Variants in RCAN2 observed in about 807,000 individuals in gnomAD.
RCAN2 encodes regulator of calcineurin 2, also known as calcipressin-2.
A neutral mutation model predicts 23.6 loss-of-function variants in RCAN2; 9 were observed. The observed-to-expected ratio is 0.38, with a 90% CI of 0.23 to 0.67. RCAN2 has a LOEUF of 0.67. RCAN2 is among the 30% of genes least tolerant of loss of function. The probability of loss-of-function intolerance (pLI) is 0.51; values close to 1 mark genes in which losing one functional copy is unlikely to be tolerated. For missense variants in RCAN2, 273 were observed against 302.3 expected (o/e 0.90, Z 0.72); for synonymous variants, 109 against 115.7 (o/e 0.94, Z 0.37).
chr6:46,261,122 T>C (rs1269817985), intron 2 of RCAN2, among the ~76,000 whole-genome samples: 1 of 152,216 alleles, frequency 6.6e-6, no homozygotes, highest in Non-Finnish European at 1.5e-5. Flanking sequence ...TCATCAGCCC[T>C]GATTAGATAT....
chr6:46,314,508 A>G (rs1763369254), intron 2 of RCAN2, among the ~76,000 whole-genome samples: 1 of 151,834 alleles, frequency 6.6e-6, no homozygotes, highest in Non-Finnish European at 1.5e-5. Context: ...CCTCCTAAGC[A>G]AAAAAACAAA....
At chr6:46,409,799 G>A (rs1258976408) in intron 2 of RCAN2, among the ~76,000 whole-genome samples, 2 of 152,210 alleles carry the variant, frequency 1.3e-5, no homozygotes, top group African/African-American at 2.4e-5. Context: ...TCGTGTGATA[G>A]TTAATTTTAG....
intron 2 of RCAN2, among the ~76,000 whole-genome samples, chr6:46,365,498 GAAAAGA>G (rs918860985): frequency 6.8e-6 from 1 of 147,208 alleles, no homozygotes; most frequent in African/African-American, 2.6e-5. Flanking sequence ...GAAAAGAAAA[GAAAAGA>G]AAAAGAAAAA....
chr6:46,397,684 C>T (rs1356238906), intron 2 of RCAN2, among the ~76,000 whole-genome samples: 1 of 151,826 alleles, frequency 6.6e-6, no homozygotes, highest in Non-Finnish European at 1.5e-5. Context: ...AATAAATGCC[C>T]TATAATATTA....
chr6:46,450,933 A>G (rs1249977466), intron 2 of RCAN2, among the ~76,000 whole-genome samples: 5 of 152,114 alleles, frequency 3.3e-5, no homozygotes, highest in Non-Finnish European at 5.9e-5. Flanking sequence ...CTCCCCACGA[A>G]AAAGTAATAA....
intron 4 of RCAN2, among the ~76,000 whole-genome samples, chr6:46,224,259 TG>T (rs766527741): frequency 6.6e-6 from 1 of 152,210 alleles, no homozygotes; most frequent in Non-Finnish European, 1.5e-5. Context: ...ACTTCATTGT[TG>T]ACATACTAAT....
At chr6:46,426,777 T>G (rs1767044198) in intron 2 of RCAN2, among the ~76,000 whole-genome samples, 1 of 152,208 alleles carries the variant, frequency 6.6e-6, no homozygotes, top group Non-Finnish European at 1.5e-5. Flanking sequence ...AAAGCCCACT[T>G]ATACACTTAA....
At chr6:46,289,318 T>C (rs1344102771) in intron 2 of RCAN2, among the ~76,000 whole-genome samples, 2 of 152,238 alleles carry the variant, frequency 1.3e-5, no homozygotes, top group African/African-American at 4.8e-5. Flanking sequence ...TATTCTTTTA[T>C]TGAGGCAAAG....
rs376536209 is a variant in RCAN2, at chr6:46,419,856, C to T, written c.225+36896G>A. ...ATAGTTTGCTGGTTCATTTATTCTT[C>T]GTGTTGGCAAACTGCCTTTCAAAAT... On this transcript the variant is annotated intron_variant, in intron 2 of 4. Coordinates refer to ENST00000371374, the MANE Select transcript of RCAN2 (RefSeq NM_001251974.2). 1.5e-4 allele frequency among the ~76,000 whole-genome samples: 23 copies of T among 152,212 alleles called. No individual in the cohort carries two copies. The East Asian group carries it at 3.1e-3, about 20-fold the overall frequency.
chr6:46,458,552 A>C (rs1486009308), intron 1 of RCAN2, among the ~76,000 whole-genome samples: 1 of 152,142 alleles, frequency 6.6e-6, no homozygotes, highest in Admixed American at 6.5e-5. Flanking sequence ...TCAAACTCCA[A>C]TTAGCGCATT....
chr6:46,392,221 A>G (rs1765958283), intron 2 of RCAN2, among the ~76,000 whole-genome samples: 1 of 152,194 alleles, frequency 6.6e-6, no homozygotes, highest in African/African-American at 2.4e-5. Flanking sequence ...GAGTAGATAT[A>G]GAGGAGGAAC....
Position 46,365,496 on chromosome 6 carries a change from A to C in RCAN2, c.225+91256T>G, listed in dbSNP as rs561035667. On this transcript the variant is annotated intron_variant, in intron 2 of 4. Transcript: ENST00000371374. ...CATCTCAAAAAAGAAAAGAAAAGAA[A>C]AGAAAAGAAAAAGAAAAAGAAAAAA... Among the ~76,000 whole-genome samples, 1,110 of 151,142 alleles carry C rather than the reference A, an allele frequency of 7.3e-3. 17 individuals are homozygous for C. The highest frequency in any genetic ancestry group is 0.026 in the African/African-American group (1,057 of 40,670).
intron 2 of RCAN2, among the ~76,000 whole-genome samples, chr6:46,339,685 A>G (rs1224941507): frequency 6.6e-6 from 1 of 152,182 alleles, no homozygotes; most frequent in East Asian, 1.9e-4. Flanking sequence ...CCATCCCTGC[A>G]TTCAATTTCA....
At chr6:46,470,467 T>C (rs997978534) in intron 1 of RCAN2, among the ~76,000 whole-genome samples, 2 of 152,236 alleles carry the variant, frequency 1.3e-5, no homozygotes, top group Non-Finnish European at 2.9e-5. Flanking sequence ...GGGGTGATAT[T>C]AAAGATGAGA....
intron 2 of RCAN2, among the ~76,000 whole-genome samples, chr6:46,433,817 A>G (rs1232983461): frequency 6.6e-6 from 1 of 152,242 alleles, no homozygotes; most frequent in Admixed American, 6.5e-5. Context: ...AAATTAGTTA[A>G]ATAGGAAACT....
chr6:46,424,009 C>T (rs1275998606), intron 2 of RCAN2, among the ~76,000 whole-genome samples: 1 of 152,172 alleles, frequency 6.6e-6, no homozygotes, highest in Non-Finnish European at 1.5e-5. Context: ...AAGTGTGGTT[C>T]TCGAACCTGC....
chr6:46,442,563 C>A (rs1204081785), intron 2 of RCAN2, among the ~76,000 whole-genome samples: 1 of 152,104 alleles, frequency 6.6e-6, no homozygotes, highest in South Asian at 2.1e-4. Context: ...TGATGGAAAC[C>A]ATATGAAGTG....
At chr6:46,241,683 A>G (rs753323240) in intron 4 of RCAN2, among the ~76,000 whole-genome samples, 6 of 152,176 alleles carry the variant, frequency 3.9e-5, no homozygotes, top group Non-Finnish European at 7.4e-5. Context: ...TGGCTCAACC[A>G]ATCTTTTACT....
intron 4 of RCAN2, among the ~76,000 whole-genome samples, chr6:46,243,398 T>C (rs983003182): frequency 2.0e-5 from 3 of 152,132 alleles, no homozygotes; most frequent in Non-Finnish European, 4.4e-5. Flanking sequence ...ATATCAGTCA[T>C]ACTTAAAAAT....
Sources: allele counts gnomAD v4.1 joint callset (sites outside exome capture counted in the v4.1 genomes callset), GRCh38; gene constraint gnomAD v4.1.1; transcripts MANE v1.5; gene names NCBI Gene and HGNC (gene_info 2026-07-23, HGNC 2026-07-21).